Variants in ARHGAP10 observed in about 807,000 individuals in gnomAD.
ARHGAP10 encodes rho GTPase-activating protein 10.
A neutral mutation model predicts 108.6 loss-of-function variants in ARHGAP10; 87 were observed. That is an observed-to-expected ratio of 0.80 (90% CI 0.67 to 0.96). ARHGAP10 has a LOEUF of 0.96. ARHGAP10 is among the 40% of genes least tolerant of loss of function. The pLI is 0.00. For missense variants in ARHGAP10, 939 were observed against 954.5 expected (o/e 0.98, Z 0.21); for synonymous variants, 347 against 341.1 (o/e 1.02, Z -0.19).
chr4:147,868,584 T>C (rs1457360869), intron 7 of ARHGAP10, among the ~76,000 whole-genome samples: 2 of 152,090 alleles, frequency 1.3e-5, no homozygotes, highest in Non-Finnish European at 2.9e-5. Context: ...AAAACAGTTA[T>C]GTAAAAAGAA....
intron 4 of ARHGAP10, among the ~76,000 whole-genome samples, chr4:147,852,713 T>C (rs1042167953): frequency 4.2e-5 from 1 of 23,902 alleles, no homozygotes; most frequent in East Asian, 2.3e-3. Flanking sequence ...ACTTTTTTTT[T>C]TTTTTTTTTT....
intron 18 of ARHGAP10, among the ~76,000 whole-genome samples, chr4:147,989,899 C>A (rs1740204541): frequency 6.6e-6 from 1 of 152,138 alleles, no homozygotes. Flanking sequence ...GAAATCTTTA[C>A]AATTTATGTT....
intron 13 of ARHGAP10, among the ~76,000 whole-genome samples, chr4:147,924,274 C>G (rs1370536107): frequency 6.6e-6 from 1 of 152,150 alleles, no homozygotes; most frequent in Non-Finnish European, 1.5e-5. Context: ...GCCTTTACCC[C>G]TCGTCCATGT....
chr4:147,853,218 T>C (rs1416522877), intron 4 of ARHGAP10, among the ~76,000 whole-genome samples: 1 of 152,040 alleles, frequency 6.6e-6, no homozygotes, highest in African/African-American at 2.4e-5. Context: ...TGGGAGGAAA[T>C]AGTAGATACC....
Position 147,964,197 on chromosome 4 carries a change from C to T in ARHGAP10, c.1451-827C>T, listed in dbSNP as rs74865824. 9.2e-5 allele frequency among the ~76,000 whole-genome samples: 14 copies of T among 152,280 alleles called. No individual in the cohort carries two copies. In the East Asian group the frequency reaches 1.5e-3, roughly 17 times the overall value. ...TACGAGCCTCCTCTGCGGGCCCTTACGCTACAGGCTGTACTCTCCTGCCCT... is the reference window on the plus strand; with the variant it reads ...TACGAGCCTCCTCTGCGGGCCCTTATGCTACAGGCTGTACTCTCCTGCCCT... On this transcript the variant is annotated intron_variant, in intron 16 of 22. Coordinates refer to ENST00000336498, the MANE Select transcript of ARHGAP10 (RefSeq NM_024605.4).
At chr4:148,055,655 T>A (rs1213920091) in intron 20 of ARHGAP10, among the ~76,000 whole-genome samples, 1 of 152,186 alleles carries the variant, frequency 6.6e-6, no homozygotes, top group Non-Finnish European at 1.5e-5. Context: ...GCCACTGCAC[T>A]CCAGCCTGAG....
At chr4:147,772,237 C>T (rs1730111928) in intron 1 of ARHGAP10, among the ~76,000 whole-genome samples, 1 of 152,220 alleles carries the variant, frequency 6.6e-6, no homozygotes, top group East Asian at 1.9e-4. Flanking sequence ...TTATCTGAGA[C>T]TTCTCTAGAT....
chr4:147,817,628 T>G (rs976069484), intron 1 of ARHGAP10, among the ~76,000 whole-genome samples: 2 of 152,142 alleles, frequency 1.3e-5, no homozygotes, highest in East Asian at 3.9e-4. Flanking sequence ...TGGGAAGAAT[T>G]AGATCACCTA....
At chr4:148,024,658 A>G (rs1741697060) in intron 19 of ARHGAP10, among the ~76,000 whole-genome samples, 1 of 152,244 alleles carries the variant, frequency 6.6e-6, no homozygotes. Context: ...GGCATGAATC[A>G]TTACAATTAA....
chr4:147,981,997 T>G (rs1739825939), intron 18 of ARHGAP10, among the ~76,000 whole-genome samples: 1 of 152,198 alleles, frequency 6.6e-6, no homozygotes, highest in Non-Finnish European at 1.5e-5. Flanking sequence ...GAAGGACGGA[T>G]CTTGGTTTTA....
chr4:148,069,393 G>A (rs1401450023), intron 22 of ARHGAP10, among the ~76,000 whole-genome samples: 1 of 152,172 alleles, frequency 6.6e-6, no homozygotes, highest in Non-Finnish European at 1.5e-5. Flanking sequence ...TTCCAGGGAG[G>A]GGAGGGCTGG....
chr4:147,793,457 C>T (rs1401557338), intron 1 of ARHGAP10, among the ~76,000 whole-genome samples: 1 of 151,918 alleles, frequency 6.6e-6, no homozygotes, highest in East Asian at 1.9e-4. Flanking sequence ...AAACAAAATG[C>T]CTGGAGCCTT....
At chr4:147,757,700 G>A (rs539076352) in intron 1 of ARHGAP10, among the ~76,000 whole-genome samples, 192 of 152,270 alleles carry the variant, frequency 1.3e-3, no homozygotes, top group African/African-American at 4.5e-3. Flanking sequence ...CACCTTCCAC[G>A]ACTGCACACC....
intron 7 of ARHGAP10, among the ~76,000 whole-genome samples, chr4:147,873,505 A>G (rs1344529744): frequency 6.6e-6 from 1 of 151,840 alleles, no homozygotes; most frequent in Non-Finnish European, 1.5e-5. Context: ...AAGGAGGGGA[A>G]TAAAGTCAGG....
chr4:147,938,058 G>T (rs867016401), intron 13 of ARHGAP10, among the ~76,000 whole-genome samples: 1 of 152,206 alleles, frequency 6.6e-6, no homozygotes, highest in Non-Finnish European at 1.5e-5. Flanking sequence ...CATGTCCTTT[G>T]CTGGGACATG....
chr4:147,995,508 T>C (rs2149639478), intron 18 of ARHGAP10, among the ~76,000 whole-genome samples: 1 of 152,364 alleles, frequency 6.6e-6, no homozygotes, highest in South Asian at 2.1e-4. Flanking sequence ...GTTTTCCTTA[T>C]GTATTTACCA....
chr4:147,778,746 G>A (rs898444228), intron 1 of ARHGAP10, among the ~76,000 whole-genome samples: 5 of 152,132 alleles, frequency 3.3e-5, no homozygotes, highest in African/African-American at 4.8e-5. Flanking sequence ...TATAAAATCT[G>A]TTTGTAATCT....
rs746975613 is a variant in ARHGAP10, at chr4:148,023,373, G to GC, written c.1830dup (p.Val611ArgfsTer14). On this transcript the variant is annotated frameshift_variant, in exon 19 of 23. Coordinates refer to ENST00000336498, the MANE Select transcript of ARHGAP10 (RefSeq NM_024605.4). LOFTEE classifies it high-confidence loss of function. ...AGAGACAAGGCCAGAGAACCAAGAG[G>GC]CCCGTGGCCGTCTACAATCTTTGTC... The GC allele has an allele frequency of 6.2e-7, 1 of 1,614,120 alleles. No individual in the cohort carries two copies. The highest frequency in any genetic ancestry group is 2.2e-5 in the East Asian group (1 of 44,888).
intron 1 of ARHGAP10, among the ~76,000 whole-genome samples, chr4:147,756,944 A>G (rs955265218): frequency 1.3e-5 from 2 of 151,872 alleles, no homozygotes; most frequent in South Asian, 2.1e-4. Flanking sequence ...GCCTGGTATA[A>G]TGGAAAAGGC....
Sources: allele counts gnomAD v4.1 joint callset (sites outside exome capture counted in the v4.1 genomes callset), GRCh38; gene constraint gnomAD v4.1.1; transcripts MANE v1.5; gene names NCBI Gene and HGNC (gene_info 2026-07-23, HGNC 2026-07-21).